The following U2AF2 variants were observed in gnomAD, a reference collection of about 807,000 sequenced individuals.
U2AF2 encodes U2 small nuclear RNA auxiliary factor 2, also known as splicing factor U2AF 65 kDa subunit.
U2AF2 carries 6 observed loss-of-function variants against 52.6 expected under a neutral mutation model. That is an observed-to-expected ratio of 0.11 (90% CI 0.06 to 0.23). The LOEUF is 0.23. Among genes scored for constraint, U2AF2 ranks in the 10% least tolerant of loss-of-function variants. U2AF2 has a pLI of 1.00. For missense variants in U2AF2, 222 were observed against 677.1 expected (o/e 0.33, Z 7.46); for synonymous variants, 284 against 258.2 (o/e 1.10, Z -0.96).
intron 4 of U2AF2, 68 bp from the exon 5 acceptor site, chr19:55,660,970 G>C: frequency 6.6e-7 from 1 of 1,508,748 alleles, no homozygotes; most frequent in Non-Finnish European, 8.9e-7. Flanking sequence ...AACTCCCAGT[G>C]TGTGGTGAGG....
At chr19:55,662,095 G>C (rs775078899) in intron 5 of U2AF2, 1 of 168,084 alleles carries the variant, frequency 5.9e-6, no homozygotes, top group South Asian at 1.3e-4. Flanking sequence ...CCACTTTTCT[G>C]TCTGTCTCCA....
intron 6 of U2AF2, among the ~76,000 whole-genome samples, chr19:55,663,359 T>C (rs1984341072): frequency 6.6e-6 from 1 of 152,220 alleles, no homozygotes; most frequent in South Asian, 2.1e-4. Flanking sequence ...TTCCGTGTCA[T>C]CACAGCCTGC....
At chr19:55,660,693 C>G in intron 4 of U2AF2, 74 bp downstream of exon 4, 1 of 1,401,692 alleles carries the variant, frequency 7.1e-7, no homozygotes, top group East Asian at 2.3e-5. Flanking sequence ...CATTCCCCTG[C>G]GTGTGTGCTT....
In U2AF2 at chr19:55,673,003, C is replaced by T. The variant is rs1985019542; in HGVS notation, c.1294-931C>T. ...TGTCACCCAGGCTGGAGTGCAGTGGCGCAATCTCGGCTCACTGCATCCTTC... is the reference window on the plus strand; with the variant it reads ...TGTCACCCAGGCTGGAGTGCAGTGGTGCAATCTCGGCTCACTGCATCCTTC... On this transcript the variant is annotated intron_variant, in intron 11 of 11. Coordinates refer to ENST00000308924, the MANE Select transcript of U2AF2 (RefSeq NM_007279.3). 2.0e-5 allele frequency among the ~76,000 whole-genome samples: 3 copies of T among 150,644 alleles called. No individual in the cohort carries two copies. In the South Asian group the frequency reaches 6.3e-4, roughly 32 times the overall value.
chr19:55,669,054 C>T (rs775096316), intron 9 of U2AF2, 29 bp from the exon 10 acceptor site: 3 of 1,603,066 alleles, frequency 1.9e-6, no homozygotes, highest in East Asian at 4.5e-5. Flanking sequence ...TCTCCCCGCA[C>T]CCCCCGACCC....
intron 7 of U2AF2, chr19:55,663,951 C>A (rs1984380894): frequency 3.0e-6 from 2 of 667,302 alleles, no homozygotes; most frequent in Admixed American, 3.1e-5. Flanking sequence ...AATGAGCTGT[C>A]ACCTGCTGAG....
chr19:55,674,315 A>C lies in U2AF2; in HGVS notation c.*247A>C. The C allele has an allele frequency of 4.2e-6, 2 of 480,948 alleles. No homozygotes were observed. The highest frequency in any genetic ancestry group is 3.7e-6 in the Non-Finnish European group (1 of 267,316). The allele number at this position is 480,948 out of a possible 1,614,324, so 29.8% of individuals were successfully genotyped here. A position where few individuals can be genotyped will look rare whatever the true frequency, so the allele number is the denominator to read the frequency against. ...ACAGACAACACGCACCCACACAGAC[A>C]CAGAGGGAAGGGGTTGGGATGGGGA... is the stretch of plus-strand genomic sequence containing the variant. On this transcript the variant is annotated 3_prime_UTR_variant, in exon 12 of 12. Transcript: ENST00000308924.
At chr19:55,665,989 C>T (rs1302961860) in intron 7 of U2AF2, among the ~76,000 whole-genome samples, 1 of 152,252 alleles carries the variant, frequency 6.6e-6, no homozygotes, top group African/African-American at 2.4e-5. Context: ...CAGCTGGCCT[C>T]ACTGTGCAGC....
At chr19:55,658,343 C>G (rs555406101) in intron 1 of U2AF2, among the ~76,000 whole-genome samples, 3 of 137,866 alleles carry the variant, frequency 2.2e-5, no homozygotes. Context: ...AAGGGCCGGT[C>G]TCTCTTCAGG....
At chr19:55,672,572 TC>T (rs1054785190) in intron 11 of U2AF2, among the ~76,000 whole-genome samples, 1 of 152,136 alleles carries the variant, frequency 6.6e-6, no homozygotes, top group Non-Finnish European at 1.5e-5. Context: ...TGCTCAGTGT[TC>T]CCTGGGGACA....
At position 55,663,847 on chromosome 19, in the gene U2AF2, T is replaced by G. The variant is rs1409263239; in HGVS notation, c.742+103T>G. 2.6e-6 allele frequency: 4 copies of G among 1,522,008 alleles called. No homozygotes were observed. In the African/African-American group the frequency reaches 4.1e-5, roughly 16 times the overall value. The allele number at this position is 1,522,008 out of a possible 1,614,324, so 94.3% of individuals were successfully genotyped here. On this transcript the variant is annotated intron_variant, in intron 7 of 11. Transcript: ENST00000308924. ...GGAGTGGCTTAGGAAGTTGTGTAAG[T>G]ACTGTGGAAGATAGGTGCCTTTTCC...
rs747685054 is a variant in U2AF2 at position 55,668,658 on chromosome 19, C to T, written c.823-12C>T. The T allele has an allele frequency of 2.2e-5, 35 of 1,604,310 alleles. No homozygotes were observed. The East Asian group carries it at 6.3e-4, about 29-fold the overall frequency. ...CCTCATCCCAGCCCTGATGGACTCT[C>T]GGCTACTGCAGGTCAAAGAGCTGCT... On this transcript the variant is annotated splice_polypyrimidine_tract_variant and intron_variant, in intron 8 of 11. Transcript: ENST00000308924. This position sits in a 1 kb window ranked among gnomAD's most constrained non-coding sequence, Gnocchi z 5.5.
At chr19:55,663,539 C>G in intron 6 of U2AF2, 67 bp from the exon 7 acceptor site, 1 of 1,551,726 alleles carries the variant, frequency 6.4e-7, no homozygotes, top group Non-Finnish European at 8.7e-7. Context: ...AATCCCAATC[C>G]TGGAACACTA....
intron 11 of U2AF2, among the ~76,000 whole-genome samples, chr19:55,673,119 A>T (rs1568556689): frequency 6.7e-6 from 1 of 149,820 alleles, no homozygotes; most frequent in African/African-American, 2.5e-5. Flanking sequence ...GGGTTTCGCT[A>T]TGTTGGCCAT....
chr19:55,668,419 T>C lies in U2AF2; in HGVS notation c.743-88T>C, dbSNP rs1194407460. The C allele has an allele frequency of 3.8e-6, 5 of 1,319,110 alleles. No individual in the cohort carries two copies. The East Asian group carries it at 9.7e-5, about 26-fold the overall frequency. 81.7% of individuals were successfully genotyped at this position (1,319,110 alleles called of 1,614,324 possible). A position where few individuals can be genotyped will look rare whatever the true frequency, so the allele number is the denominator to read the frequency against. ...CAGATCAGGCAGGAAGTGTTCTCTT[T>C]GGCAATTGAGGAGCTCGCCGTAGAC... is the stretch of plus-strand genomic sequence containing the variant. On this transcript the variant is annotated intron_variant, in intron 7 of 11. Coordinates refer to ENST00000308924, the MANE Select transcript of U2AF2 (RefSeq NM_007279.3). The surrounding 1 kb of genome is among the most constrained non-coding windows in gnomAD (Gnocchi z 5.5).
chr19:55,663,468 C>A, intron 6 of U2AF2, 138 bp from the exon 7 acceptor site: 1 of 1,346,612 alleles, frequency 7.4e-7, no homozygotes, highest in Non-Finnish European at 1.0e-6. Context: ...TGTTGTACTC[C>A]CAGTGCCCAG....
chr19:55,657,791 G>A (rs1157139362), intron 1 of U2AF2, among the ~76,000 whole-genome samples: 1 of 152,190 alleles, frequency 6.6e-6, no homozygotes, highest in Non-Finnish European at 1.5e-5. Context: ...ACTCACTGAT[G>A]TCAGAGTGTT....
chr19:55,670,668 G>A (rs1423499830), intron 11 of U2AF2: 5 of 247,596 alleles, frequency 2.0e-5, no homozygotes, highest in South Asian at 4.0e-5. Context: ...GTGAGTGAGC[G>A]AGGTGGTGGG....
chr19:55,667,873 C>T (rs1168833642), intron 7 of U2AF2, among the ~76,000 whole-genome samples: 1 of 151,868 alleles, frequency 6.6e-6, no homozygotes, highest in African/African-American at 2.4e-5. Flanking sequence ...GCAACCTCCG[C>T]CTCCTGGGTT....
Sources: allele counts gnomAD v4.1 joint callset (sites outside exome capture counted in the v4.1 genomes callset), GRCh38; gene constraint gnomAD v4.1.1; non-coding constraint Gnocchi (gnomAD v3.1); transcripts MANE v1.5; gene names NCBI Gene and HGNC (gene_info 2026-07-23, HGNC 2026-07-21).